Variants in SH3BGRL2 observed in about 807,000 individuals in gnomAD.
SH3BGRL2 encodes the protein SH3 domain-binding glutamic acid-rich-like protein 2.
SH3BGRL2 carries 21 observed loss-of-function variants against 14.8 expected under a neutral mutation model. The observed-to-expected ratio is 1.42, with a 90% CI of 1.01 to 2.05. SH3BGRL2 has a LOEUF of 2.05. Among genes scored for constraint, SH3BGRL2 ranks in the 30% most tolerant of loss-of-function variants. The pLI is 0.00. For synonymous variants in SH3BGRL2, 50 were observed against 47.8 expected (o/e 1.05, Z -0.19); for missense variants, 147 against 130.8 (o/e 1.12, Z -0.61).
At chr6:79,587,391 A>G in the SH3BGRL2 span, among the ~76,000 whole-genome samples, 1 of 152,176 alleles carries the variant, frequency 6.6e-6, no homozygotes, top group Non-Finnish European at 1.5e-5. Context: ...GTGGACATTG[A>G]GTTCTGGTAT....
the SH3BGRL2 span, among the ~76,000 whole-genome samples, chr6:79,620,657 T>G: frequency 6.0e-5 from 9 of 149,942 alleles, no homozygotes; most frequent in African/African-American, 2.2e-4. Context: ...AGAACATGTA[T>G]GGGGAAAGGA....
the SH3BGRL2 span, among the ~76,000 whole-genome samples, chr6:79,576,091 C>G: frequency 9.9e-5 from 15 of 152,202 alleles, no homozygotes; most frequent in Non-Finnish European, 1.6e-4. Context: ...CTAAACAATG[C>G]AAGGACCTTA....
At chr6:79,576,620 T>C in the SH3BGRL2 span, among the ~76,000 whole-genome samples, 18,048 of 152,222 alleles carry the variant, frequency 0.12, 1,843 homozygotes, top group East Asian at 0.56. Flanking sequence ...TTTTCTATAG[T>C]GTTGTTAAAT....
chr6:79,605,946 CAACTT>C, the SH3BGRL2 span, among the ~76,000 whole-genome samples: 1 of 152,106 alleles, frequency 6.6e-6, no homozygotes, highest in Non-Finnish European at 1.5e-5. Flanking sequence ...ATTCAACTGT[CAACTT>C]AATTATATTT....
chr6:79,567,785 A>T, the SH3BGRL2 span, among the ~76,000 whole-genome samples: 2 of 152,228 alleles, frequency 1.3e-5, no homozygotes, highest in African/African-American at 4.8e-5. Flanking sequence ...GAAAGACACC[A>T]TAAAAATGTG....
the SH3BGRL2 span, among the ~76,000 whole-genome samples, chr6:79,585,155 AG>A: frequency 1.3e-5 from 2 of 152,268 alleles, no homozygotes; most frequent in African/African-American, 4.8e-5. Context: ...GACAGTCAGA[AG>A]GGCCACAATG....
chr6:79,643,287 C>T (rs1582715132), intron 1 of SH3BGRL2, among the ~76,000 whole-genome samples: 1 of 152,220 alleles, frequency 6.6e-6, no homozygotes, highest in South Asian at 2.1e-4. Context: ...TATTGCCCCA[C>T]ATTGCTCACC....
chr6:79,598,387 A>C, the SH3BGRL2 span, among the ~76,000 whole-genome samples: 1 of 152,258 alleles, frequency 6.6e-6, no homozygotes, highest in Non-Finnish European at 1.5e-5. Flanking sequence ...TGGATAAATA[A>C]AATGAGGCAT....
chr6:79,656,288 G>A (rs1008537777), intron 1 of SH3BGRL2, among the ~76,000 whole-genome samples: 3 of 152,198 alleles, frequency 2.0e-5, no homozygotes, highest in African/African-American at 7.2e-5. Context: ...CATCATCAAG[G>A]TGAGTCAATG....
At chr6:79,608,787 C>T in the SH3BGRL2 span, among the ~76,000 whole-genome samples, 1 of 152,158 alleles carries the variant, frequency 6.6e-6, no homozygotes, top group African/African-American at 2.4e-5. Context: ...ACACATGTCC[C>T]ACCTGCTTCA....
chr6:79,572,756 C>T, the SH3BGRL2 span, among the ~76,000 whole-genome samples: 2 of 152,146 alleles, frequency 1.3e-5, no homozygotes, highest in African/African-American at 2.4e-5. Context: ...TGAGCCACTG[C>T]GCCTGGCCTA....
At chr6:79,586,669 G>C in the SH3BGRL2 span, among the ~76,000 whole-genome samples, 1 of 152,090 alleles carries the variant, frequency 6.6e-6, no homozygotes, top group Non-Finnish European at 1.5e-5. Flanking sequence ...CTTTCCACAT[G>C]AACAGCCTGG....
the SH3BGRL2 span, among the ~76,000 whole-genome samples, chr6:79,580,500 A>C: frequency 6.6e-6 from 1 of 152,288 alleles, no homozygotes; most frequent in South Asian, 2.1e-4. Context: ...ACTCAAAACC[A>C]CACAACTACA....
chr6:79,589,979 C>A, the SH3BGRL2 span, among the ~76,000 whole-genome samples: 1 of 151,988 alleles, frequency 6.6e-6, no homozygotes, highest in African/African-American at 2.4e-5. Context: ...GGCCATGTTG[C>A]CCAGGCTGAT....
chr6:79,544,661 G>C, the SH3BGRL2 span, among the ~76,000 whole-genome samples: 6 of 151,958 alleles, frequency 3.9e-5, no homozygotes, highest in East Asian at 1.2e-3. Flanking sequence ...ATTTTGATAA[G>C]AAACAAAAAT....
chr6:79,624,417 AAAAATC>A, the SH3BGRL2 span, among the ~76,000 whole-genome samples: 7 of 151,784 alleles, frequency 4.6e-5, no homozygotes, highest in African/African-American at 9.7e-5. Flanking sequence ...CTACAAGATT[AAAAATC>A]AAAATAAAAA....
chr6:79,623,249 C>T, the SH3BGRL2 span, among the ~76,000 whole-genome samples: 1 of 149,990 alleles, frequency 6.7e-6, no homozygotes, highest in Non-Finnish European at 1.5e-5. Context: ...TTGCAGTGAG[C>T]GGAGATAGTG....
At chr6:79,604,463 T>C in the SH3BGRL2 span, among the ~76,000 whole-genome samples, 4 of 152,344 alleles carry the variant, frequency 2.6e-5, no homozygotes, top group Non-Finnish European at 5.9e-5. Flanking sequence ...TGTTGGAGAA[T>C]GTTCCAAACA....
rs1770479932 is a variant in SH3BGRL2, at chr6:79,702,395, C to T, written c.*2886C>T. On this transcript the variant is annotated 3_prime_UTR_variant, in exon 4 of 4. Coordinates refer to ENST00000369838, the MANE Select transcript of SH3BGRL2 (RefSeq NM_031469.4). The stretch of plus-strand genomic sequence containing the variant: ...TTGTTAAGTGTCAGGCTGCACTTTG[C>T]TCCATATAATTATTGTTTTCAGATT... 6.6e-6 allele frequency: 1 copy of T among 152,552 alleles called. No individual in the cohort carries two copies. The highest frequency in any genetic ancestry group is 1.5e-5 in the Non-Finnish European group (1 of 68,036). 9.4% of individuals were successfully genotyped at this position (152,552 alleles called of 1,614,324 possible).
Sources: allele counts gnomAD v4.1 joint callset (sites outside exome capture counted in the v4.1 genomes callset), GRCh38; gene constraint gnomAD v4.1.1; transcripts MANE v1.5; gene names NCBI Gene and HGNC (gene_info 2026-07-23, HGNC 2026-07-21).